GOLGA1: variants seen among roughly 807,000 people sequenced by gnomAD.
GOLGA1 encodes golgin A1, also known as golgin subfamily A member 1.
GOLGA1 carries 63 observed loss-of-function variants against 119.7 expected under a neutral mutation model. The ratio of observed to expected loss-of-function variants is 0.53; its 90% CI spans 0.43 to 0.65. The LOEUF is 0.65. GOLGA1 is among the 30% of genes least tolerant of loss of function. The probability of loss-of-function intolerance (pLI) is 0.00; values close to 1 mark genes in which losing one functional copy is unlikely to be tolerated. For synonymous variants in GOLGA1, 318 were observed against 333.4 expected (o/e 0.95, Z 0.50); for missense variants, 798 against 912.8 (o/e 0.87, Z 1.62).
Position 124,880,315 on chromosome 9 carries a change from C to A in GOLGA1, c.*215G>T. 2.3e-6 allele frequency: 1 copy of A among 437,982 alleles called. No homozygotes were observed. 27.1% of individuals were successfully genotyped at this position (437,982 alleles called of 1,614,324 possible). The stretch of plus-strand genomic sequence containing the variant: ...TGTGGAAATCTGGGTAGTGCCAGGA[C>A]CCTCCTGTTTGGTGACCAGAATGAC... On this transcript the variant is annotated 3_prime_UTR_variant, in exon 23 of 23. Coordinates refer to ENST00000373555, the MANE Select transcript of GOLGA1 (RefSeq NM_002077.4).
chr9:124,917,010 T>C (rs1830461940), intron 10 of GOLGA1, among the ~76,000 whole-genome samples: 1 of 151,486 alleles, frequency 6.6e-6, no homozygotes. Flanking sequence ...AGGTATCATA[T>C]GAATGTTTTT....
At chr9:124,915,960 G>C (rs1012925304) in intron 10 of GOLGA1, among the ~76,000 whole-genome samples, 1 of 150,920 alleles carries the variant, frequency 6.6e-6, no homozygotes. Context: ...AAATTAGCTG[G>C]GCATGGTGGC....
chr9:124,892,958 T>G (rs1322039476), intron 15 of GOLGA1, among the ~76,000 whole-genome samples: 1 of 152,104 alleles, frequency 6.6e-6, no homozygotes, highest in Non-Finnish European at 1.5e-5. Context: ...GAAAGTGTAT[T>G]TCTTAAATGT....
At chr9:124,887,397 C>T (rs1829748172) in intron 19 of GOLGA1, 1 of 152,240 alleles carries the variant, frequency 6.6e-6, no homozygotes, top group Non-Finnish European at 1.5e-5. Flanking sequence ...TCCTGATTCG[C>T]ATCGGGGTGG....
upstream of GOLGA1, among the ~76,000 whole-genome samples, chr9:124,941,856 G>T (rs531592396): frequency 6.6e-6 from 1 of 152,346 alleles, no homozygotes; most frequent in Non-Finnish European, 1.5e-5. Flanking sequence ...CGAGGTGGGA[G>T]GATCTCTTGA....
At chr9:124,882,656 C>T in intron 19 of GOLGA1, 87 bp from the exon 20 acceptor site, 1 of 1,038,286 alleles carries the variant, frequency 9.6e-7, no homozygotes. Flanking sequence ...ACGGGATCCC[C>T]TGTACACCTG....
At chr9:124,937,157 TTTAAAGAAATTTA>T (rs1356430030) in intron 3 of GOLGA1, among the ~76,000 whole-genome samples, 2 of 152,100 alleles carry the variant, frequency 1.3e-5, no homozygotes, top group Admixed American at 1.3e-4. Context: ...ATAAATGAGT[TTTAAAGAAATTTA>T]TTGCCAAGTG....
At position 124,908,466 on chromosome 9, in the gene GOLGA1, G is replaced by A. The variant is rs34627901; in HGVS notation, c.976C>T (p.Leu326Phe). The change falls in exon 12 of 23, where the codon CTT becomes TTT. Residue 326 changes from leucine to phenylalanine, a missense_variant. Coordinates refer to ENST00000373555, the MANE Select transcript of GOLGA1 (RefSeq NM_002077.4). ...GTATCCTCCAAATTCTGCTCAGCAA[G>A]TGTTTTCTGTAAGTTGAAAGAAGAG... ...HLQELLKEKTLAEQNLEDTRQ... is the reference protein window; with the variant it reads ...HLQELLKEKTFAEQNLEDTRQ... 355 of 1,576,478 alleles carry A rather than the reference G, an allele frequency of 2.3e-4. 2 individuals are homozygous for A. The African/African-American group carries it at 4.4e-3, about 20-fold the overall frequency.
At chr9:124,890,278 A>G (rs945615157) in intron 16 of GOLGA1, 111 bp downstream of exon 16, 1 of 754,746 alleles carries the variant, frequency 1.3e-6, no homozygotes, top group African/African-American at 1.7e-5. Flanking sequence ...TCCTGAGTCT[A>G]CTACCCTACC....
At position 124,923,164 on chromosome 9, in the gene GOLGA1, G is replaced by C; in HGVS notation, c.492C>G (p.Phe164Leu). Residue 164 changes from phenylalanine to leucine, a missense_variant, in exon 8 of 23, where the codon TTC (phenylalanine) becomes TTG (leucine). Phe to Leu is a conservative substitution (Grantham distance 22). Coordinates refer to ENST00000373555, the MANE Select transcript of GOLGA1 (RefSeq NM_002077.4). ...QEMKNQSMNL[F>L]QRRDEMDELE... ...ATTCATCCATTTCATCTCTCCTTTG[G>C]AAAAGATTCATACTCTGGTTCTTCA... 1 of 1,600,672 alleles carries C rather than the reference G, an allele frequency of 6.2e-7. No homozygotes were observed. Among genetic ancestry groups the C allele is most frequent in the Non-Finnish European group, 8.6e-7 (1 of 1,168,890 alleles).
chr9:124,892,861 G>A (rs1364522842), intron 15 of GOLGA1, among the ~76,000 whole-genome samples: 1 of 151,674 alleles, frequency 6.6e-6, no homozygotes, highest in Non-Finnish European at 1.5e-5. Flanking sequence ...GAACCCAGGA[G>A]GCGGAGGTTG....
chr9:124,908,795 G>C (rs1200737500), intron 11 of GOLGA1, among the ~76,000 whole-genome samples: 1 of 152,240 alleles, frequency 6.6e-6, no homozygotes. Context: ...AACTCACAAA[G>C]TCGTTAGGGT....
Position 124,881,264 on chromosome 9 carries a change from C to T in GOLGA1, c.2137-7G>A. The T allele has an allele frequency of 1.3e-6, 2 of 1,579,080 alleles. No individual in the cohort carries two copies. Among genetic ancestry groups the T allele is most frequent in the Non-Finnish European group, 1.7e-6 (2 of 1,147,984 alleles). On this transcript the variant is annotated splice_polypyrimidine_tract_variant and splice_region_variant and intron_variant, in intron 21 of 22. Coordinates refer to ENST00000373555, the MANE Select transcript of GOLGA1 (RefSeq NM_002077.4). The surrounding 1 kb of genome is among the most constrained non-coding windows in gnomAD (Gnocchi z 4.9). ...CTTTTATAAGATGAAAAGCCTGAAA[C>T]ACAGTAAGTTTTGCTGCCATAGGCC... is the stretch of plus-strand genomic sequence containing the variant.
chr9:124,899,559 A>AT, intron 13 of GOLGA1, 81 bp from the exon 14 acceptor site: 4 of 1,347,962 alleles, frequency 3.0e-6, no homozygotes, highest in Non-Finnish European at 4.1e-6. Context: ...AGGTGAGAAG[A>AT]TGAGTATCCA....
intron 12 of GOLGA1, among the ~76,000 whole-genome samples, chr9:124,902,199 C>T (rs1467533648): frequency 6.6e-6 from 1 of 151,870 alleles, no homozygotes; most frequent in African/African-American, 2.4e-5. Flanking sequence ...GCAAGCTCCA[C>T]CTCCCGGGTT....
chr9:124,926,809 A>C, intron 6 of GOLGA1, 68 bp from the exon 7 acceptor site: 2 of 786,294 alleles, frequency 2.5e-6, no homozygotes, highest in Non-Finnish European at 4.0e-6. Context: ...ATTTTCAGAA[A>C]ACAAAACAAC....
intron 15 of GOLGA1, among the ~76,000 whole-genome samples, chr9:124,894,969 ATCCACAACAGAGAACCC>A (rs1195640195): frequency 0.016 from 2,441 of 148,012 alleles, 70 homozygotes; most frequent in African/African-American, 0.059. Flanking sequence ...ACAGAGACCC[ATCCACAACAGAGAACCC>A]TCCACAACAG....
chr9:124,935,807 G>A (rs1171370133), intron 3 of GOLGA1, among the ~76,000 whole-genome samples: 1 of 151,556 alleles, frequency 6.6e-6, no homozygotes, highest in Non-Finnish European at 1.5e-5. Flanking sequence ...CATAATACGT[G>A]TTGACTGATT....
At chr9:124,901,371 A>T (rs1588070869) in intron 12 of GOLGA1, among the ~76,000 whole-genome samples, 1 of 150,362 alleles carries the variant, frequency 6.7e-6, no homozygotes, top group African/African-American at 2.4e-5. Flanking sequence ...GCTGGGTTCA[A>T]GCGATTCTCC....
Sources: allele counts gnomAD v4.1 joint callset (sites outside exome capture counted in the v4.1 genomes callset), GRCh38; gene constraint gnomAD v4.1.1; non-coding constraint Gnocchi (gnomAD v3.1); transcripts MANE v1.5; gene names NCBI Gene and HGNC (gene_info 2026-07-23, HGNC 2026-07-21).